Variants in MLEC observed in about 807,000 individuals in gnomAD.
MLEC encodes oligosaccharyltransferase complex subunit (non-catalytic).
Under a neutral mutation model 28.7 loss-of-function variants are expected in MLEC, and 7 were observed. That is an observed-to-expected ratio of 0.24 (90% CI 0.14 to 0.46). The LOEUF is 0.46. MLEC is among the 20% of genes least tolerant of loss of function. MLEC has a pLI of 0.99. For synonymous variants in MLEC, 142 were observed against 164.4 expected (o/e 0.86, Z 1.04); for missense variants, 237 against 391.1 (o/e 0.61, Z 3.32).
Position 120,696,103 on chromosome 12 carries a change from T to C in MLEC, c.650-213T>C, listed in dbSNP as rs1437258487. Among the ~76,000 whole-genome samples, 2 of 152,234 alleles carry C rather than the reference T, an allele frequency of 1.3e-5. No individual in the cohort carries two copies. The highest frequency in any genetic ancestry group is 3.8e-4 in the East Asian group (2 of 5,200). ...GAAGGTAAGATAGTGAACCTCCCTATGAGCACGGCTTTTTCTACTTTCTAG... is the reference window on the plus strand; with the variant it reads ...GAAGGTAAGATAGTGAACCTCCCTACGAGCACGGCTTTTTCTACTTTCTAG... On this transcript the variant is annotated intron_variant, in intron 4 of 4. Transcript: ENST00000228506. This position sits in a 1 kb window ranked among gnomAD's most constrained non-coding sequence, Gnocchi z 5.4.
chr12:120,701,585 C>T lies in MLEC; in HGVS notation c.*5040C>T, dbSNP rs8295. 15,946 of 152,632 alleles carry T rather than the reference C, an allele frequency of 0.1. 898 individuals are homozygous for T. Among genetic ancestry groups the T allele is most frequent in the South Asian group, 0.18 (865 of 4,820 alleles). The allele number at this position is 152,632 out of a possible 1,614,324, so 9.5% of individuals were successfully genotyped here. ...AGTTCTTAGCCCTTGTAGCTTCTAC[C>T]CTAGTTTCCCATCCTCTCTCTGTGG... is the stretch of plus-strand genomic sequence containing the variant. On this transcript the variant is annotated 3_prime_UTR_variant, in exon 5 of 5. Coordinates refer to ENST00000228506, the MANE Select transcript of MLEC (RefSeq NM_014730.4). This position sits in a 1 kb window ranked among gnomAD's most constrained non-coding sequence, Gnocchi z 4.0.
rs754913381 is a variant in MLEC, at chr12:120,694,859, G to A, written c.450G>A (p.Val150=). Residue 150 remains valine (V), a synonymous_variant, in exon 3 of 5, where the codon GTG becomes GTA. Coordinates refer to ENST00000228506, the MANE Select transcript of MLEC (RefSeq NM_014730.4). The surrounding 1 kb of genome is among the most constrained non-coding windows in gnomAD (Gnocchi z 4.5). ...TACGATTGAATGGCCACGTCGTGGT[G>A]AAGGACTTGGATATCTTTGATCGTG... ...FDVRLNGHVV[V]KDLDIFDRVG... is the part of the protein sequence containing the mutation. 6.2e-7 allele frequency: 1 copy of A among 1,613,836 alleles called. No individual in the cohort carries two copies. The highest frequency in any genetic ancestry group is 8.5e-7 in the Non-Finnish European group (1 of 1,179,812).
At chr12:120,691,606 G>A (rs1340941239) in intron 1 of MLEC, among the ~76,000 whole-genome samples, 3 of 152,230 alleles carry the variant, frequency 2.0e-5, no homozygotes, top group Non-Finnish European at 4.4e-5. Flanking sequence ...AATCTGTTTC[G>A]CTGTGAATGC....
rs565548761 is a variant in MLEC, at chr12:120,697,144, T to C, written c.*599T>C. ...AATCCAGTGATGGTCCCACCTTTAGTGTTTGAGCTTTGTCATTGCTTGTCT... is the reference window on the plus strand; with the variant it reads ...AATCCAGTGATGGTCCCACCTTTAGCGTTTGAGCTTTGTCATTGCTTGTCT... On this transcript the variant is annotated 3_prime_UTR_variant, in exon 5 of 5. Coordinates refer to ENST00000228506, the MANE Select transcript of MLEC (RefSeq NM_014730.4). This position sits in a 1 kb window ranked among gnomAD's most constrained non-coding sequence, Gnocchi z 4.8. 6.5e-6 allele frequency: 1 copy of C among 153,046 alleles called. No homozygotes were observed. The highest frequency in any genetic ancestry group is 2.1e-4 in the South Asian group (1 of 4,870). The allele number at this position is 153,046 out of a possible 1,614,324, so 9.5% of individuals were successfully genotyped here. A position where few individuals can be genotyped will look rare whatever the true frequency, so the allele number is the denominator to read the frequency against.
Position 120,698,421 on chromosome 12 carries a change from C to T in MLEC, c.*1876C>T, listed in dbSNP as rs191749605. On this transcript the variant is annotated 3_prime_UTR_variant, in exon 5 of 5. Transcript: ENST00000228506. The stretch of plus-strand genomic sequence containing the variant: ...GTCAGGCAGCTGGAGGGTTGTGGCC[C>T]GAGGCTGCAGTCAGAGGTATACTTC... The T allele has an allele frequency of 1.2e-4, 19 of 152,242 alleles. No individual in the cohort carries two copies. The highest frequency in any genetic ancestry group is 3.4e-4 in the African/African-American group (14 of 41,508). The allele number at this position is 152,242 out of a possible 1,614,324, so 9.4% of individuals were successfully genotyped here. A position where few individuals can be genotyped will look rare whatever the true frequency, so the allele number is the denominator to read the frequency against.
intron 1 of MLEC, among the ~76,000 whole-genome samples, chr12:120,692,765 G>A (rs1001193095): frequency 1.3e-5 from 2 of 150,776 alleles, no homozygotes; most frequent in African/African-American, 4.9e-5. Context: ...AATTTCATGC[G>A]GGAGGAGAGA....
rs1462196606 is a variant in MLEC, at chr12:120,696,453, C to G, written c.787C>G (p.Pro263Ala). The G allele has an allele frequency of 1.2e-6, 2 of 1,614,054 alleles. No individual in the cohort carries two copies. Among genetic ancestry groups the G allele is most frequent in the Non-Finnish European group, 1.7e-6 (2 of 1,180,046 alleles). The part of the protein sequence containing the change: ...RVQSGPRTPN[P>A]YASDNSSLMF... ...GCAGTCAGGCCCCCGCACACCCAAC[C>G]CCTATGCCTCGGACAACAGCAGCCT... The change falls in exon 5 of 5, where the codon CCC becomes GCC. Residue 263 changes from proline (P) to alanine (A), a missense_variant. Transcript: ENST00000228506. The surrounding 1 kb of genome is among the most constrained non-coding windows in gnomAD (Gnocchi z 5.4).
chr12:120,688,101 G>C (rs1881897405), intron 1 of MLEC, among the ~76,000 whole-genome samples: 1 of 152,218 alleles, frequency 6.6e-6, no homozygotes, highest in African/African-American at 2.4e-5. Context: ...CCAGAGGGTG[G>C]TTCTATCGAA....
At position 120,694,383 on chromosome 12, in the gene MLEC, C is replaced by A; in HGVS notation, c.414+114C>A. On this transcript the variant is annotated intron_variant, in intron 2 of 4. Transcript: ENST00000228506. This position sits in a 1 kb window ranked among gnomAD's most constrained non-coding sequence, Gnocchi z 4.5. ...TCTCCAGAAAGGCAGAACAGATGAG[C>A]TCTAGAGAAGCATGTTCCATAGTGC... 9.0e-7 allele frequency: 1 copy of A among 1,105,880 alleles called. No individual in the cohort carries two copies. Among genetic ancestry groups the A allele is most frequent in the Non-Finnish European group, 1.3e-6 (1 of 775,302 alleles). 68.5% of individuals were successfully genotyped at this position (1,105,880 alleles called of 1,614,324 possible).
intron 1 of MLEC, among the ~76,000 whole-genome samples, chr12:120,688,692 C>T (rs74556270): frequency 2.2e-3 from 328 of 152,112 alleles, no homozygotes; most frequent in African/African-American, 7.4e-3. Context: ...GTTAGTTCTT[C>T]CCAAGTCGAT....
At chr12:120,690,595 T>C (rs1882003106) in intron 1 of MLEC, among the ~76,000 whole-genome samples, 1 of 152,192 alleles carries the variant, frequency 6.6e-6, no homozygotes, top group South Asian at 2.1e-4. Flanking sequence ...ACTTTTTTTT[T>C]CCTTGATGAC....
rs1882359741 is a variant in MLEC, at chr12:120,699,358, A to C, written c.*2813A>C. On this transcript the variant is annotated 3_prime_UTR_variant, in exon 5 of 5. Coordinates refer to ENST00000228506, the MANE Select transcript of MLEC (RefSeq NM_014730.4). The stretch of plus-strand genomic sequence containing the variant: ...ACTCTGTCCCAGGTTTTTAGATCCC[A>C]CTGAGCCCAGCTGACTGAAAACAAG... The C allele has an allele frequency of 6.6e-6, 1 of 152,550 alleles. No homozygotes were observed. The highest frequency in any genetic ancestry group is 2.4e-5 in the African/African-American group (1 of 41,428). The allele number at this position is 152,550 out of a possible 1,614,324, so 9.4% of individuals were successfully genotyped here.
In MLEC at chr12:120,696,769, T is replaced by C. The variant is rs73225027; in HGVS notation, c.*224T>C. 62,856 of 605,504 alleles carry C rather than the reference T, an allele frequency of 0.1. 3,571 individuals carry two copies. The highest frequency in any genetic ancestry group is 0.18 in the South Asian group (8,472 of 47,602). The allele number at this position is 605,504 out of a possible 1,614,324, so 37.5% of individuals were successfully genotyped here. ...TCCTCGTCCTCTCTTTGTGGCTGGCTCCCAGCCTTCTCTTTCCTCTTGAGG... is the reference window on the plus strand; with the variant it reads ...TCCTCGTCCTCTCTTTGTGGCTGGCCCCCAGCCTTCTCTTTCCTCTTGAGG... On this transcript the variant is annotated 3_prime_UTR_variant, in exon 5 of 5. Transcript: ENST00000228506. The surrounding 1 kb of genome is among the most constrained non-coding windows in gnomAD (Gnocchi z 5.4).
rs1026332916 is a variant in MLEC at position 120,687,608 on chromosome 12, G to A, written c.235+77G>A. The stretch of plus-strand genomic sequence containing the variant: ...CAGCCGGCCGGGGGCTGCGGGCCCC[G>A]AGCCCCTTTCGACCCTGGGGCCGCG... On this transcript the variant is annotated intron_variant, in intron 1 of 4. Transcript: ENST00000228506. The surrounding 1 kb of genome is among the most constrained non-coding windows in gnomAD (Gnocchi z 8.1). The A allele has an allele frequency of 2.5e-6, 3 of 1,223,430 alleles. No homozygotes were observed. Among genetic ancestry groups the A allele is most frequent in the Non-Finnish European group, 3.3e-6 (3 of 918,538 alleles). 75.8% of individuals were successfully genotyped at this position (1,223,430 alleles called of 1,614,324 possible).
chr12:120,687,742 GA>G lies in MLEC; in HGVS notation c.235+213del, dbSNP rs1881884472. Among the ~76,000 whole-genome samples the G allele has an allele frequency of 6.6e-6, 1 of 152,210 alleles. No homozygotes were observed. Among genetic ancestry groups the G allele is most frequent in the Non-Finnish European group, 1.5e-5 (1 of 68,044 alleles). On this transcript the variant is annotated intron_variant, in intron 1 of 4. Coordinates refer to ENST00000228506, the MANE Select transcript of MLEC (RefSeq NM_014730.4). This position sits in a 1 kb window ranked among gnomAD's most constrained non-coding sequence, Gnocchi z 8.1. ...AGTCATACAGGCAGAGAGTTGGCCA[GA>G]AGTTAGTTATATTTGGATTTCTCAT...
At position 120,687,407 on chromosome 12, in the gene MLEC, C is replaced by A. The variant is rs1439663461; in HGVS notation, c.111C>A (p.Ala37=). Residue 37 remains alanine, a synonymous_variant, in exon 1 of 5, where the codon GCC becomes GCA. Coordinates refer to ENST00000228506, the MANE Select transcript of MLEC (RefSeq NM_014730.4). This position sits in a 1 kb window ranked among gnomAD's most constrained non-coding sequence, Gnocchi z 8.1. The part of the protein sequence containing the change: ...RGPGLGVAGV[A]GAAGAGLPES... ...CCGGGCTCGGCGTGGCCGGCGTGGC[C>A]GGCGCGGCGGGGGCCGGGCTGCCCG... is the stretch of plus-strand genomic sequence containing the variant. 1.4e-6 allele frequency: 2 copies of A among 1,390,396 alleles called. No individual in the cohort carries two copies. The highest frequency in any genetic ancestry group is 1.5e-5 in the African/African-American group (1 of 66,760). 86.1% of individuals were successfully genotyped at this position (1,390,396 alleles called of 1,614,324 possible).
At chr12:120,693,989 G>T (rs1410304308) in intron 1 of MLEC, 102 bp from the exon 2 acceptor site, 5 of 1,115,416 alleles carry the variant, frequency 4.5e-6, no homozygotes, top group Middle Eastern at 3.0e-4. Flanking sequence ...TATGGAGAGG[G>T]TTATTAGCAT....
rs1313248155 is a variant in MLEC at position 120,696,418 on chromosome 12, A to G, written c.752A>G (p.Lys251Arg). 6.2e-7 allele frequency: 1 copy of G among 1,614,206 alleles called. No individual in the cohort carries two copies. The highest frequency in any genetic ancestry group is 8.5e-7 in the Non-Finnish European group (1 of 1,180,034). Residue 251 changes from lysine (K) to arginine (R), a missense_variant, in exon 5 of 5, where the codon AAG (lysine) becomes AGG (arginine). Lys to Arg is a conservative substitution (Grantham distance 26). Transcript: ENST00000228506. The surrounding 1 kb of genome is among the most constrained non-coding windows in gnomAD (Gnocchi z 5.4). Reference sequence around the variant, plus strand: ...TCTAATCTCAAAAAACAGACCAATAAGAACCGGGTGCAGTCAGGCCCCCGC... The same window carrying G: ...TCTAATCTCAAAAAACAGACCAATAGGAACCGGGTGCAGTCAGGCCCCCGC... The part of the protein sequence containing the change: ...EGSNLKKQTN[K>R]NRVQSGPRTP...
Position 120,687,292 on chromosome 12 carries a change from C to T in MLEC, c.-5C>T, listed in dbSNP as rs1198238712. 1 of 1,383,106 alleles carries T rather than the reference C, an allele frequency of 7.2e-7. No individual in the cohort carries two copies. Among genetic ancestry groups the T allele is most frequent in the Non-Finnish European group, 9.3e-7 (1 of 1,074,332 alleles). The allele number at this position is 1,383,106 out of a possible 1,614,324, so 85.7% of individuals were successfully genotyped here. On this transcript the variant is annotated 5_prime_UTR_variant, in exon 1 of 5. Coordinates refer to ENST00000228506, the MANE Select transcript of MLEC (RefSeq NM_014730.4). This position sits in a 1 kb window ranked among gnomAD's most constrained non-coding sequence, Gnocchi z 8.1. ...GCGGGGGCTGCCCCCGTGGTGGTGG[C>T]CGCCATGCTGGGAGCCTGGGCGGTT...
Sources: gnomAD v4.1 joint callset for allele counts (sites outside exome capture counted in the v4.1 genomes callset) on GRCh38, gnomAD v4.1.1 for gene constraint, Gnocchi (gnomAD v3.1) non-coding constraint, MANE v1.5 for transcripts, NCBI Gene and HGNC (gene_info 2026-07-23, HGNC 2026-07-21) for gene names.